Variants in OSBP2 observed in about 807,000 individuals in gnomAD.
OSBP2 encodes oxysterol binding protein 2.
Under a neutral mutation model 96.0 loss-of-function variants are expected in OSBP2, and 66 were observed. That is an observed-to-expected ratio of 0.69 (90% CI 0.56 to 0.84). The LOEUF (loss-of-function observed/expected upper bound fraction) is 0.84. Among genes scored for constraint, OSBP2 ranks in the 40% least tolerant of loss-of-function variants. The pLI is 0.00. For synonymous variants in OSBP2, 525 were observed against 520.9 expected (o/e 1.01, Z -0.11); for missense variants, 1,038 against 1,222.7 (o/e 0.85, Z 2.25).
intron 1 of OSBP2, among the ~76,000 whole-genome samples, chr22:30,711,367 G>A (rs2089346227): frequency 1.3e-5 from 2 of 151,194 alleles, no homozygotes; most frequent in African/African-American, 4.9e-5. Context: ...ATCCTGGCTC[G>A]GTATAAAGCA....
chr22:30,694,829 CG>C (rs1348550349), upstream of OSBP2: 1 of 585,816 alleles, frequency 1.7e-6, no homozygotes, highest in Non-Finnish European at 2.2e-6. Context: ...GCCGCGCGCA[CG>C]TGACTGCGCC....
intron 2 of OSBP2, among the ~76,000 whole-genome samples, chr22:30,834,138 C>T (rs2038585900): frequency 6.6e-6 from 1 of 152,058 alleles, no homozygotes; most frequent in Non-Finnish European, 1.5e-5. Flanking sequence ...CAGCCTCTAA[C>T]TTCTAGGCTC....
intron 2 of OSBP2, among the ~76,000 whole-genome samples, chr22:30,751,270 A>G (rs1047594420): frequency 2.5e-4 from 38 of 152,076 alleles, no homozygotes; most frequent in Non-Finnish European, 4.9e-4. Flanking sequence ...GCCAGGGGCC[A>G]TGGTCACTCA....
At chr22:30,902,366 G>C (rs1035931900) in intron 12 of OSBP2, 12 of 1,576,300 alleles carry the variant, frequency 7.6e-6, no homozygotes, top group Non-Finnish European at 1.0e-5. Context: ...TATAGAATTC[G>C]ATGAAGTGGA....
In OSBP2 at chr22:30,887,494, G is replaced by A. The variant is rs1421923451; in HGVS notation, c.1176G>A (p.Glu392=). Residue 392 remains glutamate (E), a synonymous_variant, in exon 4 of 14, where the codon GAG becomes GAA. Coordinates refer to ENST00000332585, the MANE Select transcript of OSBP2 (RefSeq NM_030758.4). ...AATGGCAGCGGGCACTGCAGTATGAGCAGGAGCAGCGCGTGCACTTGGAGG... is the reference window on the plus strand; with the variant it reads ...AATGGCAGCGGGCACTGCAGTATGAACAGGAGCAGCGCGTGCACTTGGAGG... ...SRKWQRALQY[E]QEQRVHLEET... is the part of the protein sequence containing the mutation. The A allele has an allele frequency of 6.2e-7, 1 of 1,613,680 alleles. No individual in the cohort carries two copies. The highest frequency in any genetic ancestry group is 1.3e-5 in the African/African-American group (1 of 74,942).
chr22:30,839,321 G>A (rs1234822196), intron 2 of OSBP2, among the ~76,000 whole-genome samples: 1 of 138,174 alleles, frequency 7.2e-6, no homozygotes, highest in Non-Finnish European at 1.5e-5. Flanking sequence ...GTGTGCATGT[G>A]TCTTTATAGC....
At position 30,893,858 on chromosome 22, in the gene OSBP2, C is replaced by T. The variant is rs751967518; in HGVS notation, c.2232C>T (p.Tyr744=). Reference sequence around the variant, plus strand: ...GTGACAGCCAGGGCAAGGCCCATTACGTGCTGTCCGGCTCGTGGGATGAAC... The same window carrying T: ...GTGACAGCCAGGGCAAGGCCCATTATGTGCTGTCCGGCTCGTGGGATGAAC... ...VVSDSQGKAH[Y]VLSGSWDEQM... Residue 744 remains tyrosine, a synonymous_variant, in exon 12 of 14, where the codon TAC becomes TAT. Transcript: ENST00000332585. 1.8e-5 allele frequency: 29 copies of T among 1,585,306 alleles called. No homozygotes were observed. Among genetic ancestry groups the T allele is most frequent in the South Asian group, 5.7e-5 (5 of 87,806 alleles).
In OSBP2 at chr22:30,851,886, CT is replaced by C. The variant is rs1237143782; in HGVS notation, c.854-18537del. ...AAGGGTTATTGAATTTTCTTAAATGCTTTTTTAGTATTTCTGTTTCTTAAAT... is the reference window on the plus strand; with the variant it reads ...AAGGGTTATTGAATTTTCTTAAATGCTTTTTAGTATTTCTGTTTCTTAAAT... On this transcript the variant is annotated intron_variant, in intron 2 of 13. Transcript: ENST00000332585. 3.9e-5 allele frequency among the ~76,000 whole-genome samples: 6 copies of C among 152,078 alleles called. No homozygotes were observed. In the South Asian group the frequency reaches 8.3e-4, roughly 21 times the overall value.
At chr22:30,854,965 T>C (rs1173133962) in intron 2 of OSBP2, among the ~76,000 whole-genome samples, 1 of 95,848 alleles carries the variant, frequency 1.0e-5, no homozygotes, top group Non-Finnish European at 2.0e-5. Flanking sequence ...CAGAGCGAAG[T>C]TGGGTGAAAG....
intron 1 of OSBP2, among the ~76,000 whole-genome samples, chr22:30,727,519 G>T (rs1304661068): frequency 6.6e-6 from 1 of 152,074 alleles, no homozygotes; most frequent in Middle Eastern, 3.2e-3. Flanking sequence ...AGGGAGGCTG[G>T]ACAGCGAGCT....
chr22:30,723,504 C>G (rs748563972), intron 1 of OSBP2, among the ~76,000 whole-genome samples: 1 of 152,016 alleles, frequency 6.6e-6, no homozygotes, highest in East Asian at 1.9e-4. Flanking sequence ...ACCTCTGCCT[C>G]CCAAGTTCGA....
At chr22:30,814,981 G>A (rs1470772019) in intron 2 of OSBP2, among the ~76,000 whole-genome samples, 7 of 151,990 alleles carry the variant, frequency 4.6e-5, no homozygotes, top group African/African-American at 1.7e-4. Context: ...CCTGACTGGT[G>A]TTAAAAGTCT....
In OSBP2 at chr22:30,893,673, T is replaced by C. The variant is rs2040004575; in HGVS notation, c.2130T>C (p.Asn710=). The change falls in exon 11 of 14, where the codon AAT becomes AAC. Residue 710 remains asparagine, a synonymous_variant. Transcript: ENST00000332585. ...GDIEIVNHKT[N]DRCQLKFLPY... ...TCGAGATTGTGAACCATAAGACCAA[T>C]GACCGGTGCCAGCTGAAGTTCCTGC... 2 of 1,614,164 alleles carry C rather than the reference T, an allele frequency of 1.2e-6. No individual in the cohort carries two copies. The highest frequency in any genetic ancestry group is 1.7e-6 in the Non-Finnish European group (2 of 1,180,016).
At chr22:30,850,387 A>G (rs78220368) in intron 2 of OSBP2, among the ~76,000 whole-genome samples, 4,090 of 151,922 alleles carry the variant, frequency 0.027, 172 homozygotes, top group African/African-American at 0.091. Flanking sequence ...ATAAGTCCAT[A>G]CTTACGCCAA....
At position 30,906,420 on chromosome 22, in the gene OSBP2, G is replaced by A. The variant is rs1329579496; in HGVS notation, c.*81G>A. On this transcript the variant is annotated 3_prime_UTR_variant, in exon 14 of 14. Coordinates refer to ENST00000332585, the MANE Select transcript of OSBP2 (RefSeq NM_030758.4). ...AATGCACTCAATTTAGTACTGAATG[G>A]TCTTTCTCCCAGCCCATTCCCAGCC... 2.1e-6 allele frequency: 3 copies of A among 1,435,694 alleles called. No homozygotes were observed. Among genetic ancestry groups the A allele is most frequent in the African/African-American group, 2.9e-5 (2 of 68,154 alleles). The allele number at this position is 1,435,694 out of a possible 1,614,324, so 88.9% of individuals were successfully genotyped here.
chr22:30,812,853 A>T (rs1317374991), intron 2 of OSBP2, among the ~76,000 whole-genome samples: 3 of 152,024 alleles, frequency 2.0e-5, no homozygotes, highest in African/African-American at 7.2e-5. Context: ...CCTTATTCTC[A>T]CTGAGACTGT....
At chr22:30,817,703 A>T (rs144153078) in intron 2 of OSBP2, among the ~76,000 whole-genome samples, 31 of 152,302 alleles carry the variant, frequency 2.0e-4, no homozygotes, top group African/African-American at 7.5e-4. Flanking sequence ...ATTCATTCCC[A>T]TGCACCTACC....
intron 3 of OSBP2, among the ~76,000 whole-genome samples, chr22:30,885,901 G>T (rs941496710): frequency 6.6e-5 from 10 of 152,342 alleles, no homozygotes; most frequent in Non-Finnish European, 1.3e-4. Flanking sequence ...GTGGGTGCTG[G>T]TTGCTGGGCG....
At chr22:30,752,367 C>T (rs1422505776) in intron 2 of OSBP2, among the ~76,000 whole-genome samples, 2 of 127,046 alleles carry the variant, frequency 1.6e-5, no homozygotes, top group Non-Finnish European at 3.1e-5. Flanking sequence ...GGCACCATCT[C>T]GGCTCACTGC....
Sources: allele counts gnomAD v4.1 joint callset (sites outside exome capture counted in the v4.1 genomes callset), GRCh38; gene constraint gnomAD v4.1.1; transcripts MANE v1.5; gene names NCBI Gene and HGNC (gene_info 2026-07-23, HGNC 2026-07-21).